Variants in WIF1 observed in about 807,000 individuals in gnomAD.
The protein encoded by WIF1 is Wnt inhibitory factor 1.
In WIF1, 35 loss-of-function variants were observed where a neutral mutation model predicts 53.5. The observed-to-expected ratio is 0.65, with a 90% CI of 0.50 to 0.87. The LOEUF is 0.87. Among genes scored for constraint, WIF1 ranks in the 40% least tolerant of loss-of-function variants. The pLI, the probability that WIF1 is intolerant of heterozygous loss-of-function variation, is 0.00. For synonymous variants in WIF1, 171 were observed against 170.4 expected, an observed-to-expected ratio of 1.00 and a Z score of -0.03; for missense variants, 467 against 476.8, an observed-to-expected ratio of 0.98 and a Z score of 0.19.
chr12:65,106,893 A>G (rs1294818162), intron 2 of WIF1, among the ~76,000 whole-genome samples: 2 of 152,252 alleles, frequency 1.3e-5, no homozygotes, highest in African/African-American at 4.8e-5. Context: ...AATTTGAGCA[A>G]TTACTTAAAA....
chr12:65,052,549 T>C (rs764375909), intron 9 of WIF1, among the ~76,000 whole-genome samples: 10 of 152,220 alleles, frequency 6.6e-5, no homozygotes, highest in Non-Finnish European at 1.5e-4. Context: ...TGGGAGTATG[T>C]TCTTAGCAGA....
intron 2 of WIF1, among the ~76,000 whole-genome samples, chr12:65,115,759 T>C (rs1393030582): frequency 6.6e-6 from 1 of 152,174 alleles, no homozygotes; most frequent in Non-Finnish European, 1.5e-5. Context: ...GAGGCAAAGT[T>C]GTCCATGAAA....
At chr12:65,114,821 C>T (rs1883485086) in intron 2 of WIF1, among the ~76,000 whole-genome samples, 1 of 152,122 alleles carries the variant, frequency 6.6e-6, no homozygotes, top group African/African-American at 2.4e-5. Context: ...TTCTCCTGTT[C>T]TTTTCCTGTA....
chr12:65,085,332 C>G (rs769542061), intron 2 of WIF1, among the ~76,000 whole-genome samples: 3 of 152,074 alleles, frequency 2.0e-5, no homozygotes, highest in Non-Finnish European at 2.9e-5. Flanking sequence ...ATCCATATTT[C>G]ATATATACCT....
intron 2 of WIF1, among the ~76,000 whole-genome samples, chr12:65,089,924 A>G (rs1883098182): frequency 2.1e-5 from 3 of 145,990 alleles, no homozygotes; most frequent in Admixed American, 7.1e-5. Flanking sequence ...TCTTATTTGA[A>G]TCTGCAGTGA....
intron 7 of WIF1, among the ~76,000 whole-genome samples, chr12:65,060,233 A>G (rs1882591603): frequency 6.6e-6 from 1 of 152,238 alleles, no homozygotes; most frequent in Non-Finnish European, 1.5e-5. Context: ...CCACACAAGC[A>G]TCTCACACGC....
intron 9 of WIF1, among the ~76,000 whole-genome samples, chr12:65,051,684 T>C (rs563715278): frequency 1.8e-4 from 28 of 152,222 alleles, no homozygotes; most frequent in Non-Finnish European, 3.5e-4. Context: ...GATTTCTCAT[T>C]CCCTATATAT....
chr12:65,076,617 A>G (rs778155666), intron 3 of WIF1, among the ~76,000 whole-genome samples: 5 of 152,144 alleles, frequency 3.3e-5, no homozygotes, highest in African/African-American at 7.2e-5. Flanking sequence ...TAATCCAACA[A>G]TTACTTTCTG....
intron 9 of WIF1, 63 bp downstream of exon 9, chr12:65,055,055 T>C (rs1882502348): frequency 6.5e-7 from 1 of 1,545,162 alleles, no homozygotes; most frequent in Non-Finnish European, 8.9e-7. Flanking sequence ...CTTCTTCTGG[T>C]CTCCCACTCA....
intron 7 of WIF1, among the ~76,000 whole-genome samples, chr12:65,057,987 T>C (rs1882554864): frequency 6.6e-6 from 1 of 152,164 alleles, no homozygotes; most frequent in African/African-American, 2.4e-5. Context: ...AAACCTGGAA[T>C]GCCGTTAGAC....
At chr12:65,101,608 C>T (rs1452092696) in intron 2 of WIF1, among the ~76,000 whole-genome samples, 1 of 152,180 alleles carries the variant, frequency 6.6e-6, no homozygotes, top group Non-Finnish European at 1.5e-5. Context: ...ATTGTATTGT[C>T]CGTGCTATTT....
intron 2 of WIF1, among the ~76,000 whole-genome samples, chr12:65,094,778 C>G (rs1485736460): frequency 1.3e-5 from 2 of 151,942 alleles, no homozygotes; most frequent in Non-Finnish European, 2.9e-5. Flanking sequence ...ATTTTTGTGT[C>G]TTGGCTTCTT....
At chr12:65,076,185 G>A (rs1882857815) in intron 3 of WIF1, among the ~76,000 whole-genome samples, 1 of 152,178 alleles carries the variant, frequency 6.6e-6, no homozygotes, top group South Asian at 2.1e-4. Flanking sequence ...CTATGGGTAT[G>A]TGCCATCACA....
chr12:65,094,105 AG>A (rs1232317607), intron 2 of WIF1, among the ~76,000 whole-genome samples: 2 of 152,202 alleles, frequency 1.3e-5, no homozygotes, highest in Non-Finnish European at 2.9e-5. Context: ...CTTTCTTAAA[AG>A]GCTATGAAAC....
intron 2 of WIF1, among the ~76,000 whole-genome samples, chr12:65,080,811 A>G (rs1275304743): frequency 6.6e-5 from 10 of 152,216 alleles, no homozygotes; most frequent in Admixed American, 5.9e-4. Context: ...AAAAACTTTG[A>G]AATTAAAAGG....
chr12:65,064,016 G>C (rs1882652145), intron 6 of WIF1, among the ~76,000 whole-genome samples: 2 of 152,200 alleles, frequency 1.3e-5, no homozygotes, highest in Non-Finnish European at 2.9e-5. Context: ...ACAAGCTCTT[G>C]GGGCCTCCTC....
chr12:65,116,566 A>G (rs1306144129), intron 2 of WIF1, among the ~76,000 whole-genome samples: 2 of 152,004 alleles, frequency 1.3e-5, no homozygotes, highest in Non-Finnish European at 2.9e-5. Flanking sequence ...CAATGTAATA[A>G]TAATAGAAAT....
At chr12:65,083,089 C>A (rs747430006) in intron 2 of WIF1, among the ~76,000 whole-genome samples, 2 of 152,064 alleles carry the variant, frequency 1.3e-5, no homozygotes, top group Non-Finnish European at 2.9e-5. Context: ...TATTATACTG[C>A]AGTTACTGTT....
At chr12:65,111,907 T>C (rs189954253) in intron 2 of WIF1, among the ~76,000 whole-genome samples, 3 of 152,296 alleles carry the variant, frequency 2.0e-5, no homozygotes, top group East Asian at 3.9e-4. Flanking sequence ...TTCAGATGAA[T>C]GGGTTTCAAG....
Sources: gnomAD v4.1 joint callset for allele counts (sites outside exome capture counted in the v4.1 genomes callset) on GRCh38, gnomAD v4.1.1 for gene constraint, MANE v1.5 for transcripts, NCBI Gene and HGNC (gene_info 2026-07-23, HGNC 2026-07-21) for gene names.